Variants in SUCLG2 observed in about 807,000 individuals in gnomAD.
The protein encoded by SUCLG2 is succinate-CoA ligase GDP-forming subunit beta.
Under a neutral mutation model 47.9 loss-of-function variants are expected in SUCLG2, and 42 were observed. That is an observed-to-expected ratio of 0.88 (90% CI 0.69 to 1.14). The LOEUF (loss-of-function observed/expected upper bound fraction) is 1.14, where lower values mean the gene tolerates loss of function less well. Among genes scored for constraint, SUCLG2 ranks in the 50% most tolerant of loss-of-function variants. The probability of loss-of-function intolerance (pLI) is 0.00; values close to 1 mark genes in which losing one functional copy is unlikely to be tolerated. For synonymous variants in SUCLG2, 195 were observed against 197.3 expected, an observed-to-expected ratio of 0.99 and a Z score of 0.10; for missense variants, 571 against 525.9, an observed-to-expected ratio of 1.09 and a Z score of -0.84.
downstream of SUCLG2, among the ~76,000 whole-genome samples, chr3:67,371,133 C>G (rs936230525): frequency 6.6e-5 from 10 of 151,926 alleles, no homozygotes; most frequent in African/African-American, 1.4e-4. Flanking sequence ...TTTTTTCTTC[C>G]CTAGCTAGGA....
At chr3:67,465,479 C>T (rs968836695) in intron 9 of SUCLG2, among the ~76,000 whole-genome samples, 1 of 152,200 alleles carries the variant, frequency 6.6e-6, no homozygotes, top group Non-Finnish European at 1.5e-5. Flanking sequence ...CTCAGAGAAT[C>T]CCTCTCTGGC....
At chr3:67,420,699 C>G (rs1197752402) in intron 9 of SUCLG2, among the ~76,000 whole-genome samples, 1 of 152,092 alleles carries the variant, frequency 6.6e-6, no homozygotes, top group African/African-American at 2.4e-5. Flanking sequence ...TTTCAAAAAA[C>G]AATCCTCCAT....
chr3:67,373,209 C>A (rs1215625364), downstream of SUCLG2, among the ~76,000 whole-genome samples: 3 of 151,846 alleles, frequency 2.0e-5, no homozygotes, highest in Non-Finnish European at 4.4e-5. Flanking sequence ...AAATAATATT[C>A]CTTCTAATTT....
At chr3:67,639,606 A>G (rs548004232) in intron 1 of SUCLG2, among the ~76,000 whole-genome samples, 1 of 152,206 alleles carries the variant, frequency 6.6e-6, no homozygotes, top group African/African-American at 2.4e-5. Context: ...AGGGTATATA[A>G]ATACTTCAAC....
At chr3:67,431,112 T>G (rs1703468166) in intron 9 of SUCLG2, among the ~76,000 whole-genome samples, 1 of 152,090 alleles carries the variant, frequency 6.6e-6, no homozygotes, top group Non-Finnish European at 1.5e-5. Flanking sequence ...AAGGCCAGCA[T>G]CATCTTGATA....
chr3:67,394,818 G>T (rs1702483619), intron 10 of SUCLG2, among the ~76,000 whole-genome samples: 1 of 151,880 alleles, frequency 6.6e-6, no homozygotes, highest in Non-Finnish European at 1.5e-5. Context: ...ACTAACAGCG[G>T]ATCTCTCGGC....
intron 9 of SUCLG2, among the ~76,000 whole-genome samples, chr3:67,485,211 G>C (rs1705020595): frequency 6.6e-6 from 1 of 152,164 alleles, no homozygotes; most frequent in Non-Finnish European, 1.5e-5. Context: ...CAAATTAGAA[G>C]TCCACAGAGG....
Position 67,471,414 on chromosome 3 carries a change from T to C in SUCLG2, c.1062+24384A>G, listed in dbSNP as rs889592989. Among the ~76,000 whole-genome samples, 3 of 152,154 alleles carry C rather than the reference T, an allele frequency of 2.0e-5. No individual in the cohort carries two copies. In the South Asian group the frequency reaches 6.2e-4, roughly 32 times the overall value. ...CTTTACCCAGTTAAGTTAATGACAT[T>C]AGGACATCACACTTGCCTTTTCAAC... On this transcript the variant is annotated intron_variant, in intron 9 of 10. Transcript: ENST00000307227.
chr3:67,619,713 T>C (rs186248620), intron 1 of SUCLG2, among the ~76,000 whole-genome samples: 277 of 152,266 alleles, frequency 1.8e-3, no homozygotes, highest in Non-Finnish European at 3.2e-3. Context: ...AGCAAAGAAA[T>C]GTAAAACACT....
chr3:67,611,360 T>A (rs925157996), intron 1 of SUCLG2, among the ~76,000 whole-genome samples: 7 of 152,250 alleles, frequency 4.6e-5, no homozygotes, highest in African/African-American at 1.7e-4. Context: ...TATTATTTTT[T>A]AACTACACAT....
rs533065054 is a variant in SUCLG2, at chr3:67,520,569, G to A, written c.483C>T (p.Ser161=). ...ETYLAILMDR[S]CNGPVLVGSP... is the part of the protein sequence containing the mutation. Reference sequence around the variant, plus strand: ...TGCCCACCAGCACGGGGCCATTGCAGGACCGGTCCATCAGAATTGCCAGGT... The same window carrying A: ...TGCCCACCAGCACGGGGCCATTGCAAGACCGGTCCATCAGAATTGCCAGGT... Residue 161 remains serine (S), a synonymous_variant, in exon 5 of 11, where the codon TCC becomes TCT. Transcript: ENST00000307227. The A allele has an allele frequency of 7.4e-6, 12 of 1,614,040 alleles. No individual in the cohort carries two copies. The highest frequency in any genetic ancestry group is 1.0e-5 in the Non-Finnish European group (12 of 1,180,004).
chr3:67,578,150 A>G (rs1707789616), intron 2 of SUCLG2, among the ~76,000 whole-genome samples: 1 of 150,780 alleles, frequency 6.6e-6, no homozygotes, highest in African/African-American at 2.4e-5. Flanking sequence ...TAAGTTACAC[A>G]ATGAATAAAT....
At position 67,537,862 on chromosome 3, in the gene SUCLG2, A is replaced by T. The variant is rs142030720; in HGVS notation, c.227-8676T>A. Reference sequence around the variant, plus strand: ...TTTCATGTTTGTTGGCCACATAAACATCTTCTTTTGAGAAGTGTCTGTTCA... The same window carrying T: ...TTTCATGTTTGTTGGCCACATAAACTTCTTCTTTTGAGAAGTGTCTGTTCA... On this transcript the variant is annotated intron_variant, in intron 2 of 10. Coordinates refer to ENST00000307227, the MANE Select transcript of SUCLG2 (RefSeq NM_003848.4). Among the ~76,000 whole-genome samples, 656 of 152,296 alleles carry T rather than the reference A, an allele frequency of 4.3e-3. 3 individuals are homozygous for T. Among genetic ancestry groups the T allele is most frequent in the African/African-American group, 0.015 (619 of 41,564 alleles).
intron 4 of SUCLG2, among the ~76,000 whole-genome samples, chr3:67,526,015 A>ATTAT (rs1451607082): frequency 2.0e-5 from 3 of 152,216 alleles, no homozygotes; most frequent in Non-Finnish European, 4.4e-5. Flanking sequence ...AGATTTGGTC[A>ATTAT]TTTATAAAGG....
intron 1 of SUCLG2, among the ~76,000 whole-genome samples, chr3:67,617,578 G>C (rs1009774004): frequency 1.3e-5 from 2 of 152,016 alleles, no homozygotes; most frequent in African/African-American, 4.8e-5. Flanking sequence ...CTCTCCACTT[G>C]GGTTCTCCCT....
chr3:67,567,577 C>T (rs899254187), intron 2 of SUCLG2, among the ~76,000 whole-genome samples: 1 of 152,200 alleles, frequency 6.6e-6, no homozygotes, highest in African/African-American at 2.4e-5. Flanking sequence ...CCTTGCCCAG[C>T]CTCCTATGTC....
intron 10 of SUCLG2, among the ~76,000 whole-genome samples, chr3:67,390,418 CA>C (rs1264801234): frequency 6.6e-6 from 1 of 152,180 alleles, no homozygotes; most frequent in African/African-American, 2.4e-5. Flanking sequence ...ATAATAATTA[CA>C]AGCTGTTTCA....
chr3:67,531,715 G>A (rs752214055), intron 2 of SUCLG2, among the ~76,000 whole-genome samples: 34 of 152,222 alleles, frequency 2.2e-4, no homozygotes, highest in Admixed American at 7.8e-4. Flanking sequence ...CATCTCAAGT[G>A]CTAAATCAAT....
rs560986121 is a variant in SUCLG2, at chr3:67,546,825, G to A, written c.227-17639C>T. Among the ~76,000 whole-genome samples, 18 of 152,160 alleles carry A rather than the reference G, an allele frequency of 1.2e-4. No individual in the cohort carries two copies. The South Asian group carries it at 3.5e-3, about 30-fold the overall frequency. ...CTGAGGCAGGAGAATTGCTGGAACC[G>A]GGGAGGCAGAGGTTGCAGCGAGCTG... On this transcript the variant is annotated intron_variant, in intron 2 of 10. Coordinates refer to ENST00000307227, the MANE Select transcript of SUCLG2 (RefSeq NM_003848.4).
Sources: gnomAD v4.1 joint callset for allele counts (sites outside exome capture counted in the v4.1 genomes callset) on GRCh38, gnomAD v4.1.1 for gene constraint, MANE v1.5 for transcripts, NCBI Gene and HGNC (gene_info 2026-07-23, HGNC 2026-07-21) for gene names.